ADRB1: variants seen among roughly 807,000 people sequenced by gnomAD.
ADRB1 encodes the protein adrenoceptor beta 1.
For synonymous variants in ADRB1, 365 were observed against 347.2 expected, an observed-to-expected ratio of 1.05 and a Z score of -0.57; for missense variants, 635 against 709.1, an observed-to-expected ratio of 0.90 and a Z score of 1.19.
In ADRB1 at chr10:114,044,150, C is replaced by A. The variant is rs1367063633; in HGVS notation, c.18C>A (p.Leu6=). Residue 6 remains leucine (L), a synonymous_variant, in exon 1 of 1, where the codon CTC becomes CTA. Transcript: ENST00000369295. This position sits in a 1 kb window ranked among gnomAD's most constrained non-coding sequence, Gnocchi z 7.8. ...AGCTCGGCATGGGCGCGGGGGTGCTCGTCCTGGGCGCCTCCGAGCCCGGTA... is the reference window on the plus strand; with the variant it reads ...AGCTCGGCATGGGCGCGGGGGTGCTAGTCCTGGGCGCCTCCGAGCCCGGTA... The part of the protein sequence containing the change: MGAGV[L]VLGASEPGNL... 1.3e-5 allele frequency: 17 copies of A among 1,324,930 alleles called. No individual in the cohort carries two copies. Among genetic ancestry groups the A allele is most frequent in the Non-Finnish European group, 1.5e-5 (16 of 1,047,198 alleles). The allele number at this position is 1,324,930 out of a possible 1,614,324, so 82.1% of individuals were successfully genotyped here.
In ADRB1 at chr10:114,045,572, G is replaced by C. The variant is rs1045877135; in HGVS notation, c.*6G>C. ...CCTCGGAATCCAAGGTGTAGGGCCC[G>C]GCGCGGGGCGCGGACTCCGGGCACG... On this transcript the variant is annotated 3_prime_UTR_variant, in exon 1 of 1. Transcript: ENST00000369295. 1.7e-4 allele frequency: 222 copies of C among 1,281,922 alleles called. No homozygotes were observed. Among genetic ancestry groups the C allele is most frequent in the Non-Finnish European group, 1.8e-4 (180 of 1,006,908 alleles). The allele number at this position is 1,281,922 out of a possible 1,614,324, so 79.4% of individuals were successfully genotyped here. A position where few individuals can be genotyped will look rare whatever the true frequency, so the allele number is the denominator to read the frequency against.
Sources: gnomAD v4.1 joint callset for allele counts on GRCh38, gnomAD v4.1.1 for gene constraint, Gnocchi (gnomAD v3.1) non-coding constraint, MANE v1.5 for transcripts, NCBI Gene and HGNC (gene_info 2026-07-23, HGNC 2026-07-21) for gene names.